Variants in TPRG1 observed in about 807,000 individuals in gnomAD.
TPRG1 encodes tumor protein p63 regulated 1.
In TPRG1, 29 loss-of-function variants were observed where a neutral mutation model predicts 29.3. The ratio of observed to expected loss-of-function variants is 0.99; its 90% CI spans 0.74 to 1.35. The LOEUF is 1.35. Among genes scored for constraint, TPRG1 ranks in the 40% most tolerant of loss-of-function variants. The probability of loss-of-function intolerance (pLI) is 0.00; values close to 1 mark genes in which losing one functional copy is unlikely to be tolerated. For missense variants in TPRG1, 327 were observed against 335.0 expected (o/e 0.98, Z 0.19); for synonymous variants, 130 against 116.8 (o/e 1.11, Z -0.73).
At chr3:189,310,623 AC>A in intron 5 of TPRG1, 84 bp downstream of exon 5, 1 of 644,430 alleles carries the variant, frequency 1.6e-6, no homozygotes, top group Non-Finnish European at 2.3e-6. Flanking sequence ...CCTAAACAAA[AC>A]AAAATAAAAT....
chr3:189,101,735 C>A (rs1578355768), intron 1 of TPRG1, among the ~76,000 whole-genome samples: 1 of 151,818 alleles, frequency 6.6e-6, no homozygotes, highest in East Asian at 1.9e-4. Context: ...CTGCACCAAA[C>A]TTCTCCAACC....
intron 3 of TPRG1, among the ~76,000 whole-genome samples, chr3:189,231,261 AAAAC>A (rs1177285604): frequency 1.0e-5 from 1 of 96,574 alleles, no homozygotes; most frequent in African/African-American, 4.9e-5. Context: ...AAACACCTAT[AAAAC>A]ATATATATAT....
At chr3:189,318,416 T>A (rs1437720696) in intron 5 of TPRG1, among the ~76,000 whole-genome samples, 1 of 152,150 alleles carries the variant, frequency 6.6e-6, no homozygotes, top group Non-Finnish European at 1.5e-5. Flanking sequence ...GAAGGCATTG[T>A]GGAAGATACA....
intron 4 of TPRG1, among the ~76,000 whole-genome samples, chr3:189,083,025 G>C (rs1717705902): frequency 6.6e-6 from 1 of 152,150 alleles, no homozygotes; most frequent in Non-Finnish European, 1.5e-5. Flanking sequence ...AGATGGCACG[G>C]CTCATTTCTC....
At chr3:189,041,469 C>T (rs1287758415) in intron 4 of TPRG1, among the ~76,000 whole-genome samples, 4 of 152,146 alleles carry the variant, frequency 2.6e-5, no homozygotes, top group Admixed American at 2.0e-4. Flanking sequence ...CTCTTTAGCA[C>T]GTACTTCACA....
At chr3:189,136,318 T>A (rs1013211393) in intron 3 of TPRG1, among the ~76,000 whole-genome samples, 16 of 152,168 alleles carry the variant, frequency 1.1e-4, no homozygotes, top group Non-Finnish European at 7.3e-5. Flanking sequence ...CTGATCCTTA[T>A]GGAAGGGGAC....
chr3:189,216,966 C>T (rs1440108742), intron 3 of TPRG1, among the ~76,000 whole-genome samples: 2 of 152,206 alleles, frequency 1.3e-5, no homozygotes. Flanking sequence ...AAAGAATACA[C>T]AAATGCGGTA....
At chr3:189,242,072 A>G (rs1357783016) in intron 4 of TPRG1, among the ~76,000 whole-genome samples, 1 of 152,202 alleles carries the variant, frequency 6.6e-6, no homozygotes, top group African/African-American at 2.4e-5. Flanking sequence ...ATTTTATTTT[A>G]CTGTTAACAA....
In TPRG1 at chr3:189,251,981, A is replaced by G. The variant is rs376769911; in HGVS notation, c.479+13072A>G. The stretch of plus-strand genomic sequence containing the variant: ...TTCCCATGAGGCCATATTTCAGACT[A>G]TCACATGGGGAGAAACCTTGGACAA... On this transcript the variant is annotated intron_variant, in intron 4 of 5. Coordinates refer to ENST00000345063, the MANE Select transcript of TPRG1 (RefSeq NM_198485.4). 1.3e-3 allele frequency among the ~76,000 whole-genome samples: 197 copies of G among 152,170 alleles called. 2 individuals carry two copies. Among genetic ancestry groups the G allele is most frequent in the African/African-American group, 4.5e-3 (188 of 41,544 alleles).
At chr3:189,047,800 C>A (rs1715070787) in intron 4 of TPRG1, among the ~76,000 whole-genome samples, 1 of 152,172 alleles carries the variant, frequency 6.6e-6, no homozygotes, top group Non-Finnish European at 1.5e-5. Context: ...AGAAGTAACT[C>A]CTCATCTGTT....
intron 4 of TPRG1, among the ~76,000 whole-genome samples, chr3:189,257,850 A>G (rs978905168): frequency 1.3e-5 from 2 of 152,302 alleles, no homozygotes; most frequent in East Asian, 3.9e-4. Flanking sequence ...TCTCAGCTCC[A>G]TCAGGTCATT....
chr3:189,305,264 A>G (rs1363379523), intron 4 of TPRG1, among the ~76,000 whole-genome samples: 1 of 152,212 alleles, frequency 6.6e-6, no homozygotes, highest in Non-Finnish European at 1.5e-5. Flanking sequence ...AGAAAGAAGA[A>G]TGCACGGAAT....
chr3:189,227,474 C>A (rs1737930878), intron 3 of TPRG1, among the ~76,000 whole-genome samples: 1 of 152,210 alleles, frequency 6.6e-6, no homozygotes. Context: ...TTTCTTCTCT[C>A]AAAAGTCATG....
chr3:189,010,552 TC>T (rs1474649907), intron 3 of TPRG1, among the ~76,000 whole-genome samples: 3 of 152,212 alleles, frequency 2.0e-5, no homozygotes, highest in African/African-American at 7.2e-5. Context: ...AGCATTTTTT[TC>T]ATGTTTGTTG....
chr3:189,031,873 A>G (rs1713951674), intron 4 of TPRG1, among the ~76,000 whole-genome samples: 1 of 152,166 alleles, frequency 6.6e-6, no homozygotes, highest in African/African-American at 2.4e-5. Flanking sequence ...GAAAGTAGCA[A>G]TTAGAATAAT....
intron 3 of TPRG1, among the ~76,000 whole-genome samples, chr3:189,009,146 A>G (rs1268771318): frequency 1.3e-5 from 2 of 152,134 alleles, no homozygotes; most frequent in African/African-American, 4.8e-5. Flanking sequence ...AGTAACCAGA[A>G]TGCATTCACT....
intron 1 of TPRG1, among the ~76,000 whole-genome samples, chr3:189,172,791 G>T (rs193213417): frequency 4.1e-4 from 63 of 152,304 alleles, no homozygotes; most frequent in African/African-American, 1.5e-3. Flanking sequence ...ATGAGACAGC[G>T]ATGACTACTT....
At chr3:189,151,220 A>G (rs1210619933) in intron 5 of TPRG1, 1 of 93,298 alleles carries the variant, frequency 1.1e-5, no homozygotes, top group African/African-American at 6.0e-5. Context: ...CCTTAACACC[A>G]GTCGTCCTTC....
chr3:189,127,406 T>A (rs896743866), intron 2 of TPRG1, among the ~76,000 whole-genome samples: 8 of 152,188 alleles, frequency 5.3e-5, no homozygotes, highest in Non-Finnish European at 1.0e-4. Context: ...TGCTGACATA[T>A]GTTAACAAAT....
Sources: allele counts gnomAD v4.1 joint callset (sites outside exome capture counted in the v4.1 genomes callset), GRCh38; gene constraint gnomAD v4.1.1; transcripts MANE v1.5; gene names NCBI Gene and HGNC (gene_info 2026-07-23, HGNC 2026-07-21).